The following CD96 variants were observed in gnomAD, a reference collection of about 807,000 sequenced individuals.
The protein encoded by CD96 is T-cell surface protein tactile.
CD96 carries 70 observed loss-of-function variants against 71.3 expected under a neutral mutation model. That is an observed-to-expected ratio of 0.98 (90% confidence interval 0.81 to 1.20). The LOEUF (loss-of-function observed/expected upper bound fraction) is 1.20. CD96 is among the 50% of genes most tolerant of loss of function. The pLI, the probability that CD96 is intolerant of heterozygous loss-of-function variation, is 0.00. For missense variants in CD96, 742 were observed against 677.5 expected (o/e 1.10, Z -1.06); for synonymous variants, 248 against 233.0 (o/e 1.06, Z -0.59).
intron 8 of CD96, among the ~76,000 whole-genome samples, chr3:111,608,878 G>A (rs949962319): frequency 1.3e-5 from 2 of 152,288 alleles, no homozygotes; most frequent in Middle Eastern, 6.8e-3. Flanking sequence ...CAGAAAGGTT[G>A]CAGTCTACTT....
chr3:111,635,330 C>T (rs970045761), intron 10 of CD96, among the ~76,000 whole-genome samples: 1 of 152,120 alleles, frequency 6.6e-6, no homozygotes, highest in Non-Finnish European at 1.5e-5. Flanking sequence ...AAAAACAAAA[C>T]AAAAAACCTC....
chr3:111,617,534 A>G (rs1328681760), intron 8 of CD96, among the ~76,000 whole-genome samples: 1 of 152,196 alleles, frequency 6.6e-6, no homozygotes, highest in East Asian at 1.9e-4. Context: ...GGGTCTCCTC[A>G]TCCAGACAAC....
intron 5 of CD96, among the ~76,000 whole-genome samples, chr3:111,587,512 C>T (rs140790675): frequency 2.1e-3 from 321 of 152,308 alleles, no homozygotes; most frequent in African/African-American, 7.0e-3. Context: ...CAAGCTGTCA[C>T]GGATCTACCA....
Position 111,588,316 on chromosome 3 carries a change from T to C in CD96, c.807+2938T>C, listed in dbSNP as rs146395102. Among the ~76,000 whole-genome samples, 160 of 152,322 alleles carry C rather than the reference T, an allele frequency of 1.1e-3. 1 individual carries two copies. The highest frequency in any genetic ancestry group is 3.6e-3 in the African/African-American group (149 of 41,572). ...TGCCACCAGTCTCTTAACTAAAACA[T>C]AACAAGAGTCATCTTTGCTCCAGTT... On this transcript the variant is annotated intron_variant, in intron 5 of 13. Coordinates refer to ENST00000352690, the MANE Select transcript of CD96 (RefSeq NM_005816.5).
intron 5 of CD96, chr3:111,594,114 C>T: frequency 6.2e-7 from 1 of 1,614,162 alleles, no homozygotes; most frequent in Non-Finnish European, 8.5e-7. Context: ...TCTCCTGTCT[C>T]ACTAATCTCT....
At chr3:111,542,767 G>A (rs1055195691) in intron 1 of CD96, among the ~76,000 whole-genome samples, 1 of 152,154 alleles carries the variant, frequency 6.6e-6, no homozygotes, top group Non-Finnish European at 1.5e-5. Flanking sequence ...AAATACTAAG[G>A]TCTTTGGGAG....
At chr3:111,578,963 G>T in intron 3 of CD96, 64 bp from the exon 4 acceptor site, 1 of 823,200 alleles carries the variant, frequency 1.2e-6, no homozygotes. Flanking sequence ...AGTGCTTGTC[G>T]AATGCCTAGT....
chr3:111,627,668 T>G (rs1437409111), intron 10 of CD96, among the ~76,000 whole-genome samples: 1 of 152,252 alleles, frequency 6.6e-6, no homozygotes, highest in Admixed American at 6.5e-5. Flanking sequence ...ACTGCATCTT[T>G]AAGCAGGTCC....
intron 5 of CD96, among the ~76,000 whole-genome samples, chr3:111,592,394 A>AAT (rs1242791329): frequency 1.3e-5 from 2 of 152,238 alleles, no homozygotes; most frequent in African/African-American, 2.4e-5. Context: ...AGCATTTCAG[A>AAT]GGTATGAGTA....
intron 8 of CD96, among the ~76,000 whole-genome samples, chr3:111,615,741 G>A (rs73230122): frequency 0.094 from 14,318 of 152,220 alleles, 942 homozygotes; most frequent in Non-Finnish European, 0.14. Context: ...CATCTAGTGA[G>A]GGGAGGAGGG....
In CD96 at chr3:111,651,883, CA is replaced by C. The variant is rs200341777; in HGVS notation, c.*2093del. The C allele has an allele frequency of 0.22, 21,231 of 96,516 alleles. 1,850 individuals are homozygous for C. The highest frequency in any genetic ancestry group is 0.35 in the African/African-American group (9,555 of 27,114). The allele number at this position is 96,516 out of a possible 1,614,324, so 6.0% of individuals were successfully genotyped here. On this transcript the variant is annotated 3_prime_UTR_variant, in exon 14 of 14. Transcript: ENST00000352690. ...TGGGTGAAAGACCGAGACTCCGCCT[CA>C]AAAAAAAAAAAAAAAGAAAGAAAGA...
In CD96 at chr3:111,623,758, T is replaced by A. The variant is rs898371149; in HGVS notation, c.1185T>A (p.Tyr395Ter). Residue 395 changes from tyrosine (Y) to a stop codon, truncating the protein, a stop_gained, in exon 9 of 14, where the codon TAT becomes TAA. Coordinates refer to ENST00000352690, the MANE Select transcript of CD96 (RefSeq NM_005816.5). LOFTEE classifies it high-confidence loss of function. ...SPASSVSPAR[Y>*]PATSSVTLVD... ...GGAATTTTATTTTCAAAATAGGATA[T>A]CCAGCTACATCTTCAGTGACCCTTG... The A allele has an allele frequency of 2.5e-6, 4 of 1,604,148 alleles. No homozygotes were observed. Among genetic ancestry groups the A allele is most frequent in the Non-Finnish European group, 3.4e-6 (4 of 1,170,924 alleles).
intron 11 of CD96, among the ~76,000 whole-genome samples, chr3:111,637,851 T>C (rs546182586): frequency 6.6e-6 from 1 of 152,144 alleles, no homozygotes; most frequent in South Asian, 2.1e-4. Flanking sequence ...AACAGGAATT[T>C]TTTTTTCAAC....
At chr3:111,645,999 T>C (rs916576471) in intron 12 of CD96, among the ~76,000 whole-genome samples, 1 of 152,176 alleles carries the variant, frequency 6.6e-6, no homozygotes, top group Non-Finnish European at 1.5e-5. Context: ...TTTTGCTATA[T>C]GAAAAGCAGT....
chr3:111,585,189 A>G (rs1270706145), intron 4 of CD96, 134 bp from the exon 5 acceptor site: 1 of 305,802 alleles, frequency 3.3e-6, no homozygotes, highest in Admixed American at 4.8e-5. Flanking sequence ...GCAGTATTAT[A>G]TTAATAAATA....
intron 2 of CD96, among the ~76,000 whole-genome samples, chr3:111,552,050 T>C (rs1405048374): frequency 1.3e-5 from 2 of 152,144 alleles, no homozygotes; most frequent in African/African-American, 4.8e-5. Flanking sequence ...TAATTATCAG[T>C]GATGTTGAGC....
chr3:111,551,957 T>A lies in CD96; in HGVS notation c.418+6555T>A, dbSNP rs138156382. On this transcript the variant is annotated intron_variant, in intron 2 of 13. Coordinates refer to ENST00000352690, the MANE Select transcript of CD96 (RefSeq NM_005816.5). ...CTTTTTCTCAGCAACTTCACCAGCATCTGTTCTTTCTTGACTTTTTAATAA... is the reference window on the plus strand; with the variant it reads ...CTTTTTCTCAGCAACTTCACCAGCAACTGTTCTTTCTTGACTTTTTAATAA... 1.9e-3 allele frequency among the ~76,000 whole-genome samples: 287 copies of A among 152,220 alleles called. 1 individual carries two copies. The highest frequency in any genetic ancestry group is 6.7e-3 in the African/African-American group (278 of 41,546).
chr3:111,641,210 G>T (rs1335003499), intron 12 of CD96, among the ~76,000 whole-genome samples: 1 of 152,178 alleles, frequency 6.6e-6, no homozygotes, highest in Non-Finnish European at 1.5e-5. Context: ...ACAGCAGAAT[G>T]GATAAGAACT....
chr3:111,656,320 C>G (rs1335939454), downstream of CD96, among the ~76,000 whole-genome samples: 1 of 152,122 alleles, frequency 6.6e-6, no homozygotes, highest in Non-Finnish European at 1.5e-5. Context: ...CAGTTCTTCT[C>G]CATTTAGTTG....
Sources: gnomAD v4.1 joint callset for allele counts (sites outside exome capture counted in the v4.1 genomes callset) on GRCh38, gnomAD v4.1.1 for gene constraint, MANE v1.5 for transcripts, NCBI Gene and HGNC (gene_info 2026-07-23, HGNC 2026-07-21) for gene names.